Variants in COL27A1 observed in about 807,000 individuals in gnomAD.
COL27A1 encodes collagen alpha-1(XXVII) chain.
COL27A1 carries 106 observed loss-of-function variants against 251.3 expected under a neutral mutation model. The ratio of observed to expected loss-of-function variants is 0.42; its 90% CI spans 0.36 to 0.50. The LOEUF (loss-of-function observed/expected upper bound fraction) is 0.50, where lower values mean the gene tolerates loss of function less well. Among genes scored for constraint, COL27A1 ranks in the 20% least tolerant of loss-of-function variants. The pLI, the probability that COL27A1 is intolerant of heterozygous loss-of-function variation, is 0.00. For missense variants in COL27A1, 2,325 were observed against 2,522.8 expected, an observed-to-expected ratio of 0.92 and a Z score of 1.68; for synonymous variants, 1,000 against 986.3, an observed-to-expected ratio of 1.01 and a Z score of -0.26.
chr9:114,237,514 G>T, intron 18 of COL27A1, 148 bp from the exon 19 acceptor site: 1 of 690,240 alleles, frequency 1.4e-6, no homozygotes, highest in Non-Finnish European at 2.6e-6. Flanking sequence ...GGCAGAGTTT[G>T]AATGGTAGCT....
intron 31 of COL27A1, 46 bp from the exon 32 acceptor site, chr9:114,265,376 A>G: frequency 6.3e-7 from 1 of 1,584,590 alleles, no homozygotes; most frequent in Non-Finnish European, 8.7e-7. Context: ...GACAGGGCAG[A>G]GAAGGCCATG....
At chr9:114,292,050 G>A in intron 48 of COL27A1, 53 bp from the exon 49 acceptor site, 1 of 1,486,850 alleles carries the variant, frequency 6.7e-7, no homozygotes, top group Non-Finnish European at 9.2e-7. Flanking sequence ...GCCTCCTCCT[G>A]CCTTAGAACC....
upstream of COL27A1, among the ~76,000 whole-genome samples, chr9:114,154,149 G>T (rs1172232628): frequency 6.6e-6 from 1 of 152,032 alleles, no homozygotes. The surrounding 1 kb of genome is among the most constrained non-coding windows in gnomAD (Gnocchi z 5.8). Context: ...GCCCGTGGAC[G>T]CAGAGCTGCC....
chr9:114,295,092 T>A (rs1050113294), intron 49 of COL27A1, among the ~76,000 whole-genome samples: 1 of 152,230 alleles, frequency 6.6e-6, no homozygotes, highest in Non-Finnish European at 1.5e-5. Flanking sequence ...ACAAATGAAT[T>A]GCATTTCTAT....
intron 23 of COL27A1, 27 bp from the exon 24 acceptor site, chr9:114,245,839 T>A: frequency 6.2e-7 from 1 of 1,612,292 alleles, no homozygotes; most frequent in Non-Finnish European, 8.5e-7. Flanking sequence ...CCCATCCCAA[T>A]CCATCCTCCT....
intron 9 of COL27A1, 131 bp from the exon 10 acceptor site, chr9:114,206,121 T>G: frequency 2.3e-6 from 2 of 888,450 alleles, no homozygotes; most frequent in Admixed American, 4.1e-5. Flanking sequence ...AGGCCAAAGA[T>G]CGCTGATCTA....
intron 37 of COL27A1, among the ~76,000 whole-genome samples, chr9:114,281,504 T>G (rs544145721): frequency 2.6e-4 from 39 of 152,308 alleles, no homozygotes; most frequent in Admixed American, 2.2e-3. Flanking sequence ...GCCTGGGGAC[T>G]CCAAGGAAAG....
At chr9:114,268,149 A>G (rs952753658) in intron 34 of COL27A1, among the ~76,000 whole-genome samples, 6 of 152,196 alleles carry the variant, frequency 3.9e-5, no homozygotes, top group Non-Finnish European at 5.9e-5. Context: ...TCAAACACCA[A>G]TGAAGAAAAC....
At chr9:114,292,481 C>G (rs935668322) in intron 49 of COL27A1, among the ~76,000 whole-genome samples, 2 of 152,176 alleles carry the variant, frequency 1.3e-5, no homozygotes, top group Non-Finnish European at 2.9e-5. Context: ...GGTGGGCGCT[C>G]CTGACTCCCA....
intron 15 of COL27A1, 77 bp downstream of exon 15, chr9:114,231,209 G>C: frequency 7.3e-7 from 1 of 1,372,326 alleles, no homozygotes; most frequent in Non-Finnish European, 1.0e-6. Flanking sequence ...CAGAAGGAAG[G>C]GTGACCTTAG....
At chr9:114,277,596 C>A (rs1181720070) in intron 37 of COL27A1, among the ~76,000 whole-genome samples, 2 of 152,196 alleles carry the variant, frequency 1.3e-5, no homozygotes, top group Non-Finnish European at 2.9e-5. Flanking sequence ...ACAGCTGCAA[C>A]AGAATGAACT....
Position 114,235,634 on chromosome 9 carries a change from C to A in COL27A1, c.2601C>A (p.Pro867=), listed in dbSNP as rs760432031. 1 of 1,613,454 alleles carries A rather than the reference C, an allele frequency of 6.2e-7. No individual in the cohort carries two copies. The highest frequency in any genetic ancestry group is 1.7e-5 in the Admixed American group (1 of 59,980). Residue 867 remains proline (P), a synonymous_variant, in exon 17 of 61, where the codon CCC becomes CCA. Transcript: ENST00000356083. The stretch of plus-strand genomic sequence containing the variant: ...GGGTTCCAGGTGTGTCAGGAGATCC[C>A]GGATTCCAAGGAGACAAGGTAATTG... ...EQGVPGVSGD[P]GFQGDKGSQG... is the part of the protein sequence containing the mutation.
At position 114,282,280 on chromosome 9, in the gene COL27A1, C is replaced by T. The variant is rs376853775; in HGVS notation, c.3721C>T (p.Pro1241Ser). The change falls in exon 38 of 61, where the codon CCT (proline) becomes TCT (serine). Residue 1241 changes from proline (P) to serine (S), a missense_variant. By Grantham distance (74) the Pro-to-Ser change is moderately conservative. Coordinates refer to ENST00000356083, the MANE Select transcript of COL27A1 (RefSeq NM_032888.4). ...TCTGTCCCTCCTCTCTCTTCAGGGT[C>T]CTGAAGGAAAATCAGGGAAGCAAGG... ...GPPGVTGVRG[P>S]EGKSGKQGEK... The T allele has an allele frequency of 6.2e-7, 1 of 1,613,828 alleles. No individual in the cohort carries two copies. The highest frequency in any genetic ancestry group is 8.5e-7 in the Non-Finnish European group (1 of 1,179,898).
intron 14 of COL27A1, among the ~76,000 whole-genome samples, chr9:114,230,856 G>A (rs1321064632): frequency 6.6e-6 from 1 of 152,216 alleles, no homozygotes; most frequent in African/African-American, 2.4e-5. Flanking sequence ...TAGGGAAGGG[G>A]CAGCAGTCTA....
intron 32 of COL27A1, among the ~76,000 whole-genome samples, chr9:114,266,226 G>T (rs876440): frequency 0.26 from 39,753 of 151,942 alleles, 5,394 homozygotes; most frequent in African/African-American, 0.31. Flanking sequence ...TTGGCTGGGG[G>T]TGGGGGTTTC....
At chr9:114,230,257 GC>G (rs1258025775) in intron 14 of COL27A1, among the ~76,000 whole-genome samples, 1 of 152,160 alleles carries the variant, frequency 6.6e-6, no homozygotes, top group African/African-American at 2.4e-5. Flanking sequence ...GCAGTGGAAT[GC>G]CCCTGGGGAG....
At chr9:114,260,113 G>T (rs1485604729) in intron 28 of COL27A1, among the ~76,000 whole-genome samples, 1 of 152,146 alleles carries the variant, frequency 6.6e-6, no homozygotes, top group Non-Finnish European at 1.5e-5. Flanking sequence ...AGCTGCATGG[G>T]CCCAGGCCCC....
chr9:114,167,906 C>G lies in COL27A1; in HGVS notation c.351C>G (p.Val117=). Residue 117 remains valine, a synonymous_variant, in exon 3 of 61, where the codon GTC becomes GTG. Transcript: ENST00000356083. ...HRVNHAFLFA[V]RSQKRKLQLG... ...TGAACCATGCCTTCCTCTTCGCTGT[C>G]CGCAGCCAGAAACGCAAGCTGCAGC... The G allele has an allele frequency of 6.2e-7, 1 of 1,612,774 alleles. No homozygotes were observed. Among genetic ancestry groups the G allele is most frequent in the Non-Finnish European group, 8.5e-7 (1 of 1,179,842 alleles).
chr9:114,231,640 C>T (rs1336539087), intron 15 of COL27A1, among the ~76,000 whole-genome samples, 182 bp from the exon 16 acceptor site: 4 of 152,232 alleles, frequency 2.6e-5, no homozygotes, highest in African/African-American at 9.6e-5. Context: ...GCCTCTCTCA[C>T]AGCTCCTTCA....
Sources: gnomAD v4.1 joint callset for allele counts (sites outside exome capture counted in the v4.1 genomes callset) on GRCh38, gnomAD v4.1.1 for gene constraint, Gnocchi (gnomAD v3.1) non-coding constraint, MANE v1.5 for transcripts, NCBI Gene and HGNC (gene_info 2026-07-23, HGNC 2026-07-21) for gene names.